The following FZD6 variants were observed in gnomAD, a reference collection of about 807,000 sequenced individuals.
FZD6 encodes the protein frizzled class receptor 6.
Under a neutral mutation model 61.4 loss-of-function variants are expected in FZD6, and 49 were observed. The observed-to-expected ratio is 0.80, with a 90% CI of 0.63 to 1.01. FZD6 has a LOEUF of 1.01. Ranked by LOEUF, FZD6 falls within the 50% of genes least tolerant of loss-of-function variation. The pLI is 0.00. For missense variants in FZD6, 724 were observed against 848.2 expected, an observed-to-expected ratio of 0.85 and a Z score of 1.82; for synonymous variants, 265 against 292.2, an observed-to-expected ratio of 0.91 and a Z score of 0.95.
At chr8:103,331,214 A>C (rs1586533236) in intron 6 of FZD6, 127 bp from the exon 7 acceptor site, 5 of 771,740 alleles carry the variant, frequency 6.5e-6, no homozygotes. Context: ...GTTAAAGTAC[A>C]CCTGAAGACT....
intron 3 of FZD6, among the ~76,000 whole-genome samples, chr8:103,323,746 T>G (rs1380750800): frequency 6.6e-6 from 1 of 152,106 alleles, no homozygotes; most frequent in Non-Finnish European, 1.5e-5. Context: ...CTCCAATACT[T>G]TTTAAACCAT....
chr8:103,313,085 A>C (rs958643930), intron 2 of FZD6, among the ~76,000 whole-genome samples: 1 of 152,198 alleles, frequency 6.6e-6, no homozygotes, highest in Admixed American at 6.5e-5. Context: ...ACATAGGTTC[A>C]TATCCTAGTT....
At position 103,332,481 on chromosome 8, in the gene FZD6, T is replaced by G. The variant is rs1001490410; in HGVS notation, c.*972T>G. On this transcript the variant is annotated 3_prime_UTR_variant, in exon 7 of 7. Transcript: ENST00000358755. Reference sequence around the variant, plus strand: ...TTCTCAGACATTTTGTAGAATTCATTTCGGCAGCTCACTAGGATTTTGCTG... The same window carrying G: ...TTCTCAGACATTTTGTAGAATTCATGTCGGCAGCTCACTAGGATTTTGCTG... 1 of 152,236 alleles carries G rather than the reference T, an allele frequency of 6.6e-6. No individual in the cohort carries two copies. Among genetic ancestry groups the G allele is most frequent in the African/African-American group, 2.4e-5 (1 of 41,462 alleles). 9.4% of individuals were successfully genotyped at this position (152,236 alleles called of 1,614,324 possible). A position where few individuals can be genotyped will look rare whatever the true frequency, so the allele number is the denominator to read the frequency against.
In FZD6 at chr8:103,332,237, C is replaced by T. The variant is rs1221740080; in HGVS notation, c.*728C>T. 1 of 152,146 alleles carries T rather than the reference C, an allele frequency of 6.6e-6. No individual in the cohort carries two copies. Among genetic ancestry groups the T allele is most frequent in the East Asian group, 1.9e-4 (1 of 5,200 alleles). 9.4% of individuals were successfully genotyped at this position (152,146 alleles called of 1,614,324 possible). A position where few individuals can be genotyped will look rare whatever the true frequency, so the allele number is the denominator to read the frequency against. On this transcript the variant is annotated 3_prime_UTR_variant, in exon 7 of 7. Transcript: ENST00000358755. ...CCACTATTGATTGTATTATGCTGCT[C>T]ACTGATCCTTCTGCATATTTAAAAT...
rs1373213388 is a variant in FZD6 at position 103,328,409 on chromosome 8, AAG to A, written c.1541_1541+1del. The A allele has an allele frequency of 4.3e-6, 7 of 1,609,666 alleles. No individual in the cohort carries two copies. The Admixed American group carries it at 5.0e-5, about 11-fold the overall frequency. ...EWAGFFKRNR[K>X]RDPISESRRV... is the part of the protein sequence containing the mutation. ...GGCTGGGTTTTTTAAACGAAATCGC[AAG>A]AGAGAGTAAGAAACTATTGAATTGT... is the stretch of plus-strand genomic sequence containing the variant. On this transcript the variant is annotated frameshift_variant, in exon 5 of 7. Coordinates refer to ENST00000358755, the MANE Select transcript of FZD6 (RefSeq NM_003506.4). LOFTEE classifies it high-confidence loss of function.
At chr8:103,311,503 T>C (rs905737373) in intron 2 of FZD6, among the ~76,000 whole-genome samples, 5 of 152,006 alleles carry the variant, frequency 3.3e-5, no homozygotes, top group African/African-American at 1.2e-4. Flanking sequence ...TTTGGGAGGC[T>C]GAGGCAGGAG....
chr8:103,331,454 A>G lies in FZD6; in HGVS notation c.2066A>G (p.His689Arg). The part of the protein sequence containing the change: ...SLKGSTSLLV[H>R]PVSGVRKEQG... ...AAAGGTTCCACATCTCTGCTTGTTCACCCGGTTTCAGGAGTGAGAAAAGAG... is the reference window on the plus strand; with the variant it reads ...AAAGGTTCCACATCTCTGCTTGTTCGCCCGGTTTCAGGAGTGAGAAAAGAG... Residue 689 changes from histidine (H) to arginine (R), a missense_variant, in exon 7 of 7, where the codon CAC (histidine) becomes CGC (arginine). His to Arg is a conservative substitution (Grantham distance 29, BLOSUM62 0). Coordinates refer to ENST00000358755, the MANE Select transcript of FZD6 (RefSeq NM_003506.4). 6.2e-7 allele frequency: 1 copy of G among 1,611,532 alleles called. No individual in the cohort carries two copies. Among genetic ancestry groups the G allele is most frequent in the Non-Finnish European group, 8.5e-7 (1 of 1,177,668 alleles).
At position 103,325,259 on chromosome 8, in the gene FZD6, C is replaced by T; in HGVS notation, c.1153C>T (p.Leu385Phe). Residue 385 changes from leucine to phenylalanine, a missense_variant, in exon 4 of 7, where the codon CTT (leucine) becomes TTT (phenylalanine). Physicochemically the swap from Leu to Phe is conservative, Grantham distance 22 (BLOSUM62 0). Coordinates refer to ENST00000358755, the MANE Select transcript of FZD6 (RefSeq NM_003506.4). ...CCTTTGTGTGTTTGTTGGGCTCTCT[C>T]TTCTTTTAGCTGGCATTATTTCCTT... ...LCLCVFVGLS[L>F]LLAGIISLNH... 6.2e-7 allele frequency: 1 copy of T among 1,614,176 alleles called. No homozygotes were observed. The highest frequency in any genetic ancestry group is 1.6e-4 in the Middle Eastern group (1 of 6,062).
intron 3 of FZD6, 76 bp from the exon 4 acceptor site, chr8:103,324,405 G>A (rs1322190097): frequency 1.3e-6 from 1 of 776,968 alleles, no homozygotes; most frequent in East Asian, 2.7e-5. Flanking sequence ...ATATTTTATA[G>A]TTGGAAAGCA....
chr8:103,298,767 G>A (rs1002257943), upstream of FZD6: 306 of 136,730 alleles, frequency 2.2e-3, 2 homozygotes, highest in African/African-American at 8.9e-3. Flanking sequence ...CGGGCGCAGG[G>A]CCAGTCCCGC....
chr8:103,328,455 A>G lies in FZD6; in HGVS notation c.1541+39A>G, dbSNP rs753304765. 9 of 1,326,798 alleles carry G rather than the reference A, an allele frequency of 6.8e-6. No homozygotes were observed. The South Asian group carries it at 1.1e-4, about 16-fold the overall frequency. The allele number at this position is 1,326,798 out of a possible 1,614,324, so 82.2% of individuals were successfully genotyped here. ...GAATTGTCTGACACAATTTTTAAAT[A>G]AATAGATCAAAATACCAAGGAACTG... On this transcript the variant is annotated intron_variant, in intron 5 of 6. Transcript: ENST00000358755.
Position 103,332,150 on chromosome 8 carries a change from G to A in FZD6, c.*641G>A, listed in dbSNP as rs983630462. The A allele has an allele frequency of 3.9e-5, 6 of 152,576 alleles. No homozygotes were observed. Among genetic ancestry groups the A allele is most frequent in the Admixed American group, 1.3e-4 (2 of 15,290 alleles). 9.5% of individuals were successfully genotyped at this position (152,576 alleles called of 1,614,324 possible). On this transcript the variant is annotated 3_prime_UTR_variant, in exon 7 of 7. Transcript: ENST00000358755. The stretch of plus-strand genomic sequence containing the variant: ...TAAAATGTGTGATTTTTATAGTCTC[G>A]TTTTAGGAATTTCACAGATCTAAAT...
Position 103,324,571 on chromosome 8 carries a change from A to G in FZD6, c.465A>G (p.Arg155=), listed in dbSNP as rs778304598. Residue 155 remains arginine, a synonymous_variant, in exon 4 of 7, where the codon AGA becomes AGG. Coordinates refer to ENST00000358755, the MANE Select transcript of FZD6 (RefSeq NM_003506.4). ...AGAAGAAAACAGAACAAGTCCAAAG[A>G]GACATTGGATTTTGGTGTCCAAGGC... ...GPQKKTEQVQ[R]DIGFWCPRHL... is the part of the protein sequence containing the mutation. 6 of 1,612,702 alleles carry G rather than the reference A, an allele frequency of 3.7e-6. 1 individual carries two copies. In the Admixed American group the frequency reaches 1.0e-4, roughly 27 times the overall value.
chr8:103,330,992 A>G (rs948652055), intron 6 of FZD6, among the ~76,000 whole-genome samples: 11 of 152,192 alleles, frequency 7.2e-5, no homozygotes, highest in Non-Finnish European at 1.3e-4. Flanking sequence ...TCTGGCTAAC[A>G]TGGTGAAACC....
chr8:103,318,484 C>A lies in FZD6; in HGVS notation c.178-106C>A, dbSNP rs147487845. On this transcript the variant is annotated intron_variant, in intron 2 of 6. Coordinates refer to ENST00000358755, the MANE Select transcript of FZD6 (RefSeq NM_003506.4). The stretch of plus-strand genomic sequence containing the variant: ...TCTGATAGAGGGAGATTTAAAGATT[C>A]TTTTGCAGTATAAGTGAAAAAGCAT... 1.1e-5 allele frequency: 8 copies of A among 724,372 alleles called. No individual in the cohort carries two copies. The East Asian group carries it at 1.3e-4, about 12-fold the overall frequency. The allele number at this position is 724,372 out of a possible 1,614,324, so 44.9% of individuals were successfully genotyped here.
At chr8:103,320,768 C>T (rs1000767893) in intron 3 of FZD6, among the ~76,000 whole-genome samples, 1 of 151,948 alleles carries the variant, frequency 6.6e-6, no homozygotes, top group African/African-American at 2.4e-5. Context: ...TAGGGATAGT[C>T]ATTGGAGATG....
Position 103,329,853 on chromosome 8 carries a change from C to T in FZD6, c.1740C>T (p.Tyr580=), listed in dbSNP as rs1435532117. Reference sequence around the variant, plus strand: ...CAGTAGCAATTACTAGCCATGATTACCTAGGACAAGAAACTTTGACAGAAA... The same window carrying T: ...CAGTAGCAATTACTAGCCATGATTATCTAGGACAAGAAACTTTGACAGAAA... ...TSAVAITSHD[Y]LGQETLTEIQ... is the part of the protein sequence containing the mutation. Residue 580 remains tyrosine, a synonymous_variant, in exon 6 of 7, where the codon TAC becomes TAT. Transcript: ENST00000358755. The T allele has an allele frequency of 2.5e-6, 4 of 1,613,896 alleles. No individual in the cohort carries two copies. The highest frequency in any genetic ancestry group is 1.7e-5 in the Admixed American group (1 of 60,010).
intron 2 of FZD6, among the ~76,000 whole-genome samples, chr8:103,305,229 T>G (rs1033235985): frequency 6.6e-6 from 1 of 152,232 alleles, no homozygotes; most frequent in Non-Finnish European, 1.5e-5. Context: ...TCAATTGCCT[T>G]CATTGAGGTC....
chr8:103,321,135 T>C (rs894619979), intron 3 of FZD6, among the ~76,000 whole-genome samples: 1 of 152,236 alleles, frequency 6.6e-6, no homozygotes, highest in African/African-American at 2.4e-5. Flanking sequence ...CACTGGCACC[T>C]ATGCTTAATT....
Sources: allele counts gnomAD v4.1 joint callset (sites outside exome capture counted in the v4.1 genomes callset), GRCh38; gene constraint gnomAD v4.1.1; transcripts MANE v1.5; gene names NCBI Gene and HGNC (gene_info 2026-07-23, HGNC 2026-07-21).